The following SLC16A10 variants were observed in gnomAD, a reference collection of about 807,000 sequenced individuals.
SLC16A10 encodes solute carrier family 16 member 10.
A neutral mutation model predicts 40.0 loss-of-function variants in SLC16A10; 27 were observed. The ratio of observed to expected loss-of-function variants is 0.67; its 90% CI spans 0.50 to 0.93. The LOEUF (loss-of-function observed/expected upper bound fraction) is 0.93. Among genes scored for constraint, SLC16A10 ranks in the 40% least tolerant of loss-of-function variants. The pLI, the probability that SLC16A10 is intolerant of heterozygous loss-of-function variation, is 0.00. For synonymous variants in SLC16A10, 213 were observed against 249.8 expected (o/e 0.85, Z 1.39); for missense variants, 529 against 658.2 (o/e 0.80, Z 2.15).
intron 4 of SLC16A10, among the ~76,000 whole-genome samples, chr6:111,218,324 A>G (rs1340374356): frequency 1.3e-5 from 2 of 152,174 alleles, no homozygotes; most frequent in Non-Finnish European, 2.9e-5. Context: ...TCATGCCTGT[A>G]ATCCCAGCAC....
chr6:111,118,486 C>T (rs955697856), intron 1 of SLC16A10, among the ~76,000 whole-genome samples: 4 of 151,994 alleles, frequency 2.6e-5, no homozygotes, highest in Non-Finnish European at 4.4e-5. Context: ...TCAAGACCAT[C>T]CTGGCCAACA....
At chr6:111,194,490 G>A (rs1773046659) in intron 3 of SLC16A10, among the ~76,000 whole-genome samples, 2 of 152,146 alleles carry the variant, frequency 1.3e-5, no homozygotes, top group Admixed American at 1.3e-4. Flanking sequence ...CCAGTGCTTT[G>A]TGCCTTCTCC....
At chr6:111,204,943 T>A (rs1429198625) in intron 3 of SLC16A10, among the ~76,000 whole-genome samples, 1 of 152,120 alleles carries the variant, frequency 6.6e-6, no homozygotes, top group African/African-American at 2.4e-5. Context: ...TTTTTTTTAA[T>A]CCAGGCTTAT....
At chr6:111,148,596 G>T (rs1185207012) in intron 1 of SLC16A10, among the ~76,000 whole-genome samples, 3 of 152,170 alleles carry the variant, frequency 2.0e-5, no homozygotes, top group Non-Finnish European at 2.9e-5. Flanking sequence ...GCTTGTTTGT[G>T]CATGACAACT....
At chr6:111,131,024 C>G (rs934705758) in intron 1 of SLC16A10, among the ~76,000 whole-genome samples, 6 of 152,160 alleles carry the variant, frequency 3.9e-5, no homozygotes, top group Admixed American at 3.3e-4. Flanking sequence ...CTTGGGCTAC[C>G]CCTTTTGGGT....
At chr6:111,099,488 G>GT (rs1303544736) in intron 1 of SLC16A10, among the ~76,000 whole-genome samples, 1 of 151,828 alleles carries the variant, frequency 6.6e-6, no homozygotes, top group Non-Finnish European at 1.5e-5. Flanking sequence ...AATTTTTAAA[G>GT]TTTTTTTGTA....
At chr6:111,147,933 T>G (rs1240483942) in intron 1 of SLC16A10, among the ~76,000 whole-genome samples, 1 of 152,230 alleles carries the variant, frequency 6.6e-6, no homozygotes, top group African/African-American at 2.4e-5. Flanking sequence ...CTTACGTGAC[T>G]CTGAAGGAGT....
intron 2 of SLC16A10, among the ~76,000 whole-genome samples, chr6:111,173,821 A>G (rs1298018509): frequency 6.6e-6 from 1 of 152,198 alleles, no homozygotes; most frequent in Non-Finnish European, 1.5e-5. Flanking sequence ...ATTTCATTAT[A>G]TATTACAATG....
At chr6:111,216,344 C>G (rs1583367995) in intron 4 of SLC16A10, among the ~76,000 whole-genome samples, 1 of 152,074 alleles carries the variant, frequency 6.6e-6, no homozygotes, top group South Asian at 2.1e-4. Context: ...AGATTTTGTT[C>G]TTTTGAAATG....
chr6:111,167,475 G>A (rs1034913668), intron 1 of SLC16A10, among the ~76,000 whole-genome samples: 9 of 152,114 alleles, frequency 5.9e-5, no homozygotes, highest in Non-Finnish European at 1.2e-4. Context: ...GTTCTGAGAT[G>A]ACCCTGTGGA....
In SLC16A10 at chr6:111,210,421, C is replaced by T. The variant is rs547043816; in HGVS notation, c.1086+3686C>T. On this transcript the variant is annotated intron_variant, in intron 4 of 5. Transcript: ENST00000368851. Reference sequence around the variant, plus strand: ...TTGTCAGTACTTCACTGTGGACATCCTCATCTAACATTTAGTTTTGTTCTC... The same window carrying T: ...TTGTCAGTACTTCACTGTGGACATCTTCATCTAACATTTAGTTTTGTTCTC... Among the ~76,000 whole-genome samples, 4 of 152,312 alleles carry T rather than the reference C, an allele frequency of 2.6e-5. No individual in the cohort carries two copies. In the East Asian group the frequency reaches 5.8e-4, roughly 22 times the overall value.
intron 1 of SLC16A10, among the ~76,000 whole-genome samples, chr6:111,107,469 T>C (rs1333468730): frequency 1.3e-5 from 2 of 152,184 alleles, no homozygotes. Context: ...TACAAATGGC[T>C]AACATCCTTT....
intron 1 of SLC16A10, among the ~76,000 whole-genome samples, chr6:111,131,256 A>G (rs887422377): frequency 3.3e-5 from 5 of 152,282 alleles, no homozygotes; most frequent in East Asian, 1.9e-4. Context: ...GCCGCTCCCA[A>G]TCGGGCTAGG....
intron 3 of SLC16A10, among the ~76,000 whole-genome samples, chr6:111,188,938 G>A (rs1183024416): frequency 6.6e-6 from 1 of 152,170 alleles, no homozygotes; most frequent in African/African-American, 2.4e-5. Flanking sequence ...AGGTTGCACA[G>A]TTAAGTAACA....
chr6:111,129,105 G>A (rs1771736932), intron 1 of SLC16A10, among the ~76,000 whole-genome samples: 1 of 152,148 alleles, frequency 6.6e-6, no homozygotes, highest in South Asian at 2.1e-4. Context: ...CAGTGAAAAG[G>A]AAAAGACTGA....
At chr6:111,200,776 G>A (rs1773155364) in intron 3 of SLC16A10, among the ~76,000 whole-genome samples, 1 of 152,044 alleles carries the variant, frequency 6.6e-6, no homozygotes, top group African/African-American at 2.4e-5. Flanking sequence ...GGCTTTTTGA[G>A]TTTACCTTTC....
intron 1 of SLC16A10, among the ~76,000 whole-genome samples, chr6:111,150,975 A>G (rs567262821): frequency 6.6e-6 from 1 of 152,332 alleles, no homozygotes; most frequent in Admixed American, 6.5e-5. Flanking sequence ...AATGTGAGGT[A>G]TGCTCTCAGG....
chr6:111,107,297 C>T (rs1771301791), intron 1 of SLC16A10, among the ~76,000 whole-genome samples: 1 of 152,090 alleles, frequency 6.6e-6, no homozygotes, highest in African/African-American at 2.4e-5. Flanking sequence ...AATGATATCG[C>T]ACCAGTTTTT....
At chr6:111,189,079 C>T (rs1287619505) in intron 3 of SLC16A10, among the ~76,000 whole-genome samples, 1 of 152,118 alleles carries the variant, frequency 6.6e-6, no homozygotes, top group Non-Finnish European at 1.5e-5. Flanking sequence ...GTGCCATAGA[C>T]ATTCTAGATG....
Sources: gnomAD v4.1 joint callset for allele counts (sites outside exome capture counted in the v4.1 genomes callset) on GRCh38, gnomAD v4.1.1 for gene constraint, MANE v1.5 for transcripts, NCBI Gene and HGNC (gene_info 2026-07-23, HGNC 2026-07-21) for gene names.